Variants in DCDC1 observed in about 807,000 individuals in gnomAD.
The protein encoded by DCDC1 is doublecortin domain containing 1.
DCDC1 carries 200 observed loss-of-function variants against 178.3 expected under a neutral mutation model. The observed-to-expected ratio is 1.12, with a 90% CI of 1.00 to 1.26. The LOEUF is 1.26. DCDC1 is among the 50% of genes most tolerant of loss of function. The pLI is 0.00. For missense variants in DCDC1, 1,983 were observed against 1,749.2 expected (o/e 1.13, Z -2.38); for synonymous variants, 690 against 604.8 (o/e 1.14, Z -2.07).
At chr11:31,084,081 A>G (rs1005562302) in intron 17 of DCDC1, among the ~76,000 whole-genome samples, 2 of 152,164 alleles carry the variant, frequency 1.3e-5, no homozygotes, top group African/African-American at 4.8e-5. Context: ...ATAGAAAAAT[A>G]TATATATTAA....
At chr11:31,102,513 A>C (rs1007054263) in intron 14 of DCDC1, among the ~76,000 whole-genome samples, 1 of 152,194 alleles carries the variant, frequency 6.6e-6, no homozygotes, top group Non-Finnish European at 1.5e-5. Flanking sequence ...ATAGGTTGTC[A>C]CTGGCTGGAC....
intron 18 of DCDC1, among the ~76,000 whole-genome samples, chr11:31,071,975 T>C (rs753895081): frequency 1.3e-5 from 2 of 152,204 alleles, no homozygotes; most frequent in Non-Finnish European, 2.9e-5. Flanking sequence ...GTTCCTGGCC[T>C]ACCAAAACTA....
At chr11:31,114,509 T>C (rs889341493) in intron 11 of DCDC1, among the ~76,000 whole-genome samples, 2 of 152,216 alleles carry the variant, frequency 1.3e-5, no homozygotes, top group African/African-American at 4.8e-5. Flanking sequence ...AAATGGGTGA[T>C]CTGGATAAGC....
At chr11:30,916,719 A>G in intron 26 of DCDC1, 151 bp downstream of exon 26, 1 of 990,092 alleles carries the variant, frequency 1.0e-6, no homozygotes, top group Non-Finnish European at 1.4e-6. Flanking sequence ...AATTTTGTAA[A>G]TATTTTAATC....
At chr11:31,271,988 C>T (rs1945592575) in intron 7 of DCDC1, among the ~76,000 whole-genome samples, 1 of 152,036 alleles carries the variant, frequency 6.6e-6, no homozygotes, top group Admixed American at 6.6e-5. Flanking sequence ...TGGTTGATTC[C>T]CCATCTCTAC....
chr11:31,186,269 T>C (rs903994670), intron 9 of DCDC1, among the ~76,000 whole-genome samples: 1 of 152,114 alleles, frequency 6.6e-6, no homozygotes, highest in Non-Finnish European at 1.5e-5. Flanking sequence ...CTCCACAAAC[T>C]CTCCTTACTC....
intron 11 of DCDC1, among the ~76,000 whole-genome samples, chr11:31,126,287 T>G (rs1351649966): frequency 6.6e-6 from 1 of 152,200 alleles, no homozygotes; most frequent in African/African-American, 2.4e-5. Flanking sequence ...CAGAATGGAT[T>G]TGTAATCAAG....
intron 9 of DCDC1, among the ~76,000 whole-genome samples, chr11:31,200,319 C>A (rs1453701316): frequency 6.6e-6 from 1 of 152,002 alleles, no homozygotes; most frequent in Non-Finnish European, 1.5e-5. Context: ...TTTCATGATT[C>A]TGGATAATTA....
At chr11:31,145,094 T>C (rs1480986893) in intron 9 of DCDC1, among the ~76,000 whole-genome samples, 2 of 152,242 alleles carry the variant, frequency 1.3e-5, no homozygotes, top group Non-Finnish European at 2.9e-5. Flanking sequence ...ACCTATTTCA[T>C]AATTCACTTT....
At chr11:31,042,670 A>G (rs1440267815) in intron 20 of DCDC1, among the ~76,000 whole-genome samples, 1 of 152,204 alleles carries the variant, frequency 6.6e-6, no homozygotes, top group Non-Finnish European at 1.5e-5. Context: ...CATAGATATC[A>G]AACATATCTA....
At chr11:31,192,509 A>T (rs530811445) in intron 9 of DCDC1, among the ~76,000 whole-genome samples, 2 of 152,248 alleles carry the variant, frequency 1.3e-5, no homozygotes, top group African/African-American at 4.8e-5. Flanking sequence ...ACCTCTGCCC[A>T]GAGTTCCCTC....
intron 7 of DCDC1, among the ~76,000 whole-genome samples, chr11:31,272,168 A>G (rs989215964): frequency 6.6e-6 from 1 of 152,120 alleles, no homozygotes; most frequent in African/African-American, 2.4e-5. Context: ...TCTAAAAAAA[A>G]AAAAAAAAAC....
At chr11:30,963,465 G>T (rs1949238436) in intron 20 of DCDC1, among the ~76,000 whole-genome samples, 1 of 152,190 alleles carries the variant, frequency 6.6e-6, no homozygotes, top group South Asian at 2.1e-4. Flanking sequence ...TCTATTACAA[G>T]ATTTCTTTGC....
chr11:30,994,221 A>C (rs1336036472), intron 20 of DCDC1, among the ~76,000 whole-genome samples: 1 of 152,192 alleles, frequency 6.6e-6, no homozygotes, highest in Non-Finnish European at 1.5e-5. Context: ...ATCTCAATAG[A>C]TGCAGAAAAA....
intron 8 of DCDC1, among the ~76,000 whole-genome samples, chr11:31,254,310 T>C (rs1421545759): frequency 6.6e-6 from 1 of 152,172 alleles, no homozygotes; most frequent in Non-Finnish European, 1.5e-5. Context: ...TTGTGAGTTG[T>C]GGGTGATTAA....
intron 20 of DCDC1, among the ~76,000 whole-genome samples, chr11:30,971,872 G>A (rs1262940762): frequency 6.6e-6 from 1 of 152,072 alleles, no homozygotes; most frequent in Non-Finnish European, 1.5e-5. Context: ...GCCTCCCAAA[G>A]TGCTGGGATT....
intron 20 of DCDC1, among the ~76,000 whole-genome samples, chr11:31,004,221 G>T (rs1418832657): frequency 6.6e-6 from 1 of 152,044 alleles, no homozygotes; most frequent in Non-Finnish European, 1.5e-5. Flanking sequence ...ACCAAAATTT[G>T]CCAAAAGTAT....
At chr11:31,251,200 C>T (rs940018051) in intron 8 of DCDC1, among the ~76,000 whole-genome samples, 3 of 152,174 alleles carry the variant, frequency 2.0e-5, no homozygotes, top group Admixed American at 1.3e-4. Context: ...ACTGCCAAGT[C>T]GTTTTATTAA....
chr11:31,234,329 C>T (rs932066533), intron 9 of DCDC1, among the ~76,000 whole-genome samples: 2 of 151,988 alleles, frequency 1.3e-5, no homozygotes, highest in African/African-American at 4.8e-5. Context: ...AAAATAAGAG[C>T]AAAGAATGAA....
Sources: gnomAD v4.1 joint callset for allele counts (sites outside exome capture counted in the v4.1 genomes callset) on GRCh38, gnomAD v4.1.1 for gene constraint, MANE v1.5 for transcripts, NCBI Gene and HGNC (gene_info 2026-07-23, HGNC 2026-07-21) for gene names.